Variants in CFAP77 observed in about 807,000 individuals in gnomAD.
The protein encoded by CFAP77 is cilia- and flagella-associated protein 77.
Under a neutral mutation model 31.1 loss-of-function variants are expected in CFAP77, and 25 were observed. The ratio of observed to expected loss-of-function variants is 0.80; its 90% CI spans 0.59 to 1.12. CFAP77 has a LOEUF of 1.12. Among genes scored for constraint, CFAP77 ranks in the 50% most tolerant of loss-of-function variants. CFAP77 has a pLI of 0.00. For missense variants in CFAP77, 377 were observed against 397.3 expected, an observed-to-expected ratio of 0.95 and a Z score of 0.44; for synonymous variants, 151 against 159.9, an observed-to-expected ratio of 0.94 and a Z score of 0.42.
At chr9:132,525,157 CTACAGGCATGCGCCACCACGCCTGG>C (rs1327823233) in intron 3 of CFAP77, among the ~76,000 whole-genome samples, 3 of 151,450 alleles carry the variant, frequency 2.0e-5, no homozygotes, top group Admixed American at 6.6e-5. Context: ...GTAGCCGGGA[CTACAGGCATGCGCCACCACGCCTGG>C]CTGATTTTTG....
At chr9:132,446,603 T>C (rs942320985) in intron 1 of CFAP77, among the ~76,000 whole-genome samples, 1 of 151,434 alleles carries the variant, frequency 6.6e-6, no homozygotes, top group African/African-American at 2.4e-5. Context: ...TAGCTGGGCG[T>C]GGTGGTGGGT....
At chr9:132,454,746 G>T (rs1399280399) in intron 1 of CFAP77, among the ~76,000 whole-genome samples, 1 of 152,192 alleles carries the variant, frequency 6.6e-6, no homozygotes, top group Non-Finnish European at 1.5e-5. Context: ...CTATAACGTA[G>T]CCAGGGGCCA....
intron 5 of CFAP77, among the ~76,000 whole-genome samples, chr9:132,561,686 G>T (rs889568812): frequency 8.7e-5 from 13 of 148,678 alleles, no homozygotes; most frequent in African/African-American, 2.5e-4. Context: ...CTCTGGGATG[G>T]GTTCGCAAGC....
chr9:132,440,402 G>A (rs1850595905), intron 1 of CFAP77, among the ~76,000 whole-genome samples: 1 of 152,058 alleles, frequency 6.6e-6, no homozygotes, highest in Non-Finnish European at 1.5e-5. Flanking sequence ...GTTTCTATGG[G>A]CCAAGAAATG....
chr9:132,523,509 A>C (rs201815911), intron 3 of CFAP77, among the ~76,000 whole-genome samples: 1 of 152,150 alleles, frequency 6.6e-6, no homozygotes, highest in Admixed American at 6.5e-5. Flanking sequence ...CATTACACAC[A>C]CAGCCACTTC....
intron 3 of CFAP77, among the ~76,000 whole-genome samples, chr9:132,529,507 T>TAAAAAAAAAAAATTTAAAAAA (rs750691279): frequency 1.8e-5 from 2 of 108,812 alleles, no homozygotes; most frequent in African/African-American, 6.7e-5. Flanking sequence ...TAGAGTATAA[T>TAAAAAAAAAAAATTTAAAAAA]AAAAAAAAAA....
chr9:132,447,319 A>G (rs1159169950), intron 1 of CFAP77, among the ~76,000 whole-genome samples: 4 of 152,214 alleles, frequency 2.6e-5, no homozygotes, highest in Non-Finnish European at 5.9e-5. Context: ...GGATGCAGAG[A>G]GTGAACTGGG....
intron 1 of CFAP77, among the ~76,000 whole-genome samples, chr9:132,433,962 C>A (rs553492418): frequency 7.4e-4 from 106 of 143,554 alleles, no homozygotes; most frequent in Middle Eastern, 3.4e-3. Flanking sequence ...CATAGGGAGA[C>A]CCCATGTGTA....
Position 132,410,214 on chromosome 9 carries a change from C to G in CFAP77, c.-58C>G, listed in dbSNP as rs1009227091. The stretch of plus-strand genomic sequence containing the variant: ...GCCCTTCGGAGCTCCAGGCTGTGCC[C>G]GACGTGGGGAAGCGCGCCCAAACCA... On this transcript the variant is annotated 5_prime_UTR_variant, in exon 1 of 6. Transcript: ENST00000393216. 4.4e-5 allele frequency: 64 copies of G among 1,438,510 alleles called. 1 individual carries two copies. The South Asian group carries it at 7.3e-4, about 17-fold the overall frequency. 89.1% of individuals were successfully genotyped at this position (1,438,510 alleles called of 1,614,324 possible). A position where few individuals can be genotyped will look rare whatever the true frequency, so the allele number is the denominator to read the frequency against.
chr9:132,444,593 G>A lies in CFAP77; in HGVS notation c.195+34127G>A, dbSNP rs538454122. On this transcript the variant is annotated intron_variant, in intron 1 of 5. Transcript: ENST00000393216. ...CAGGAAGGCTGACCTGAGTCCTTCC[G>A]GCAGGGTGGCTGGGTCTTGGCTGTG... Among the ~76,000 whole-genome samples the A allele has an allele frequency of 1.6e-3, 250 of 152,262 alleles. 6 individuals are homozygous for A. The South Asian group carries it at 0.05, about 30-fold the overall frequency.
rs1564247844 is a variant in CFAP77 at position 132,545,366 on chromosome 9, G to A, written c.732+2319G>A. ...GCACCTTCCTTGCCCAGAGAGTGGC[G>A]GGGACAGGAACCCAGGTGTGTCTGA... On this transcript the variant is annotated intron_variant, in intron 5 of 5. Coordinates refer to ENST00000393216, the MANE Select transcript of CFAP77 (RefSeq NM_001282957.2). The surrounding 1 kb of genome is among the most constrained non-coding windows in gnomAD (Gnocchi z 4.6). Among the ~76,000 whole-genome samples, 5 of 152,144 alleles carry A rather than the reference G, an allele frequency of 3.3e-5. No homozygotes were observed. Among genetic ancestry groups the A allele is most frequent in the Admixed American group, 2.6e-4 (4 of 15,284 alleles).
chr9:132,479,661 G>A (rs576727090), intron 1 of CFAP77, among the ~76,000 whole-genome samples: 208 of 152,340 alleles, frequency 1.4e-3, no homozygotes, highest in African/African-American at 4.7e-3. Context: ...CTTTGCTCAG[G>A]CCATCCTGGT....
intron 1 of CFAP77, among the ~76,000 whole-genome samples, chr9:132,484,715 C>T: frequency 6.6e-6 from 1 of 151,632 alleles, no homozygotes; most frequent in Non-Finnish European, 1.5e-5. Context: ...GTTTGAATGC[C>T]TGTTTTCTTT....
chr9:132,474,597 G>C lies in CFAP77; in HGVS notation c.196-24098G>C, dbSNP rs898480633. Among the ~76,000 whole-genome samples, 5 of 152,160 alleles carry C rather than the reference G, an allele frequency of 3.3e-5. No homozygotes were observed. The East Asian group carries it at 9.6e-4, about 29-fold the overall frequency. On this transcript the variant is annotated intron_variant, in intron 1 of 5. Transcript: ENST00000393216. ...CTTAGGACCAGGGGGGGAATGCACA[G>C]ATGGAGCTGCTGGGGGTTGGTGGCA...
At chr9:132,454,371 G>A in intron 1 of CFAP77, among the ~76,000 whole-genome samples, 1 of 152,128 alleles carries the variant, frequency 6.6e-6, no homozygotes, top group Admixed American at 6.5e-5. Context: ...TAAATAACCA[G>A]TGTAAGTCAG....
chr9:132,517,769 A>C lies in CFAP77; in HGVS notation c.524+18169A>C, dbSNP rs1852173482. Among the ~76,000 whole-genome samples, 1 of 152,204 alleles carries C rather than the reference A, an allele frequency of 6.6e-6. No individual in the cohort carries two copies. The highest frequency in any genetic ancestry group is 6.5e-5 in the Admixed American group (1 of 15,276). On this transcript the variant is annotated intron_variant, in intron 3 of 5. Coordinates refer to ENST00000393216, the MANE Select transcript of CFAP77 (RefSeq NM_001282957.2). This position sits in a 1 kb window ranked among gnomAD's most constrained non-coding sequence, Gnocchi z 4.7. ...CTGTCAGCCCTCATCCCCCGCACAC[A>C]CAAAGTGTCAGCCTAATGTTTGCAA...
At chr9:132,568,896 C>T (rs532981142) in intron 5 of CFAP77, among the ~76,000 whole-genome samples, 1 of 152,228 alleles carries the variant, frequency 6.6e-6, no homozygotes, top group African/African-American at 2.4e-5. Context: ...GACAGGGTTT[C>T]ACCATGCTGC....
intron 1 of CFAP77, among the ~76,000 whole-genome samples, chr9:132,477,044 G>A (rs1294462326): frequency 2.6e-5 from 4 of 152,264 alleles, no homozygotes; most frequent in South Asian, 2.1e-4. Flanking sequence ...TGGGGCTGCC[G>A]GAGCTGCAAG....
chr9:132,546,998 G>T (rs1852743626), intron 5 of CFAP77, among the ~76,000 whole-genome samples: 1 of 152,280 alleles, frequency 6.6e-6, no homozygotes, highest in Non-Finnish European at 1.5e-5. Context: ...GGGTGAGCCA[G>T]CAGGGGGAGC....
Sources: gnomAD v4.1 joint callset for allele counts (sites outside exome capture counted in the v4.1 genomes callset) on GRCh38, gnomAD v4.1.1 for gene constraint, Gnocchi (gnomAD v3.1) non-coding constraint, MANE v1.5 for transcripts, NCBI Gene and HGNC (gene_info 2026-07-23, HGNC 2026-07-21) for gene names.